Variants in ACTN4 observed in about 807,000 individuals in gnomAD.
ACTN4 encodes the protein alpha-actinin-4.
A neutral mutation model predicts 114.2 loss-of-function variants in ACTN4; 18 were observed. That is an observed-to-expected ratio of 0.16 (90% confidence interval 0.11 to 0.23). The LOEUF (loss-of-function observed/expected upper bound fraction) is 0.23. Among genes scored for constraint, ACTN4 ranks in the 10% least tolerant of loss-of-function variants. ACTN4 has a pLI of 1.00. For missense variants in ACTN4, 722 were observed against 1,262.9 expected (o/e 0.57, Z 6.49); for synonymous variants, 515 against 506.3 (o/e 1.02, Z -0.23).
chr19:38,711,246 C>G, intron 8 of ACTN4: 19 of 972,044 alleles, frequency 2.0e-5, no homozygotes, highest in Non-Finnish European at 2.2e-5. Flanking sequence ...TCTCCTGCCT[C>G]TCTCTCTCTT....
chr19:38,724,621 T>C lies in ACTN4; in HGVS notation c.2010+56T>C. On this transcript the variant is annotated intron_variant, in intron 16 of 20. Coordinates refer to ENST00000252699, the MANE Select transcript of ACTN4 (RefSeq NM_004924.6). The surrounding 1 kb of genome is among the most constrained non-coding windows in gnomAD (Gnocchi z 7.0). ...GAAGGTTCCAAGAGAGCTCCCGTAG[T>C]GAGGGGGTCCCCGGCCAGCCCAGGG... 1.2e-6 allele frequency: 2 copies of C among 1,610,048 alleles called. No homozygotes were observed. Among genetic ancestry groups the C allele is most frequent in the Admixed American group, 3.3e-5 (2 of 60,010 alleles).
chr19:38,715,361 G>A (rs1182025076), intron 9 of ACTN4, among the ~76,000 whole-genome samples: 3 of 152,186 alleles, frequency 2.0e-5, no homozygotes, highest in Non-Finnish European at 4.4e-5. Context: ...GCCGGGTGTT[G>A]TGGCACACAC....
At chr19:38,708,074 C>T (rs1968519530) in intron 5 of ACTN4, 43 bp from the exon 6 acceptor site, 2 of 1,587,654 alleles carry the variant, frequency 1.3e-6, no homozygotes, top group African/African-American at 1.3e-5. Flanking sequence ...ACTCTCATGA[C>T]AGTGAGCGGG....
chr19:38,704,843 A>G (rs1968402784), intron 3 of ACTN4, 91 bp from the exon 4 acceptor site: 1 of 1,167,070 alleles, frequency 8.6e-7, no homozygotes, highest in Non-Finnish European at 1.3e-6. Flanking sequence ...CTTTCTCTAG[A>G]TGGGGCTGGA....
chr19:38,672,533 A>G (rs114984981), intron 1 of ACTN4, among the ~76,000 whole-genome samples: 2,150 of 149,338 alleles, frequency 0.014, 58 homozygotes, highest in African/African-American at 0.049. Context: ...GAGCTACCAC[A>G]CCCTGCCAAG....
chr19:38,730,942 C>T lies in ACTN4; in HGVS notation c.*1510C>T. ...GCTCGCAGGACAGAGCCTGAGCCAC[C>T]CTGTCCCTCCCACCTGGCTCACCTG... is the stretch of plus-strand genomic sequence containing the variant. On this transcript the variant is annotated 3_prime_UTR_variant, in exon 21 of 21. Transcript: ENST00000252699. 2 of 1,550,542 alleles carry T rather than the reference C, an allele frequency of 1.3e-6. No individual in the cohort carries two copies. Among genetic ancestry groups the T allele is most frequent in the Non-Finnish European group, 8.7e-7 (1 of 1,147,040 alleles).
At position 38,721,707 on chromosome 19, in the gene ACTN4, C is replaced by A; in HGVS notation, c.1442+19C>A. 1 of 1,610,136 alleles carries A rather than the reference C, an allele frequency of 6.2e-7. No individual in the cohort carries two copies. Among genetic ancestry groups the A allele is most frequent in the Non-Finnish European group, 8.5e-7 (1 of 1,179,976 alleles). ...AGCTCAAGTACGTGCGGGCTCAGGA[C>A]ACTATCATCACCTGGCTCTCACCAC... On this transcript the variant is annotated intron_variant, in intron 12 of 20. Transcript: ENST00000252699.
Position 38,726,952 on chromosome 19 carries a change from CG to C in ACTN4, c.2191-4del, listed in dbSNP as rs948950073. Reference sequence around the variant, plus strand: ...GCCCACGATCACGCCCCCGTCTTTCCGCAGCACATCCGCGTGGGCTGGGAGC... The same window carrying C: ...GCCCACGATCACGCCCCCGTCTTTCCCAGCACATCCGCGTGGGCTGGGAGC... On this transcript the variant is annotated splice_region_variant and splice_polypyrimidine_tract_variant and intron_variant, in intron 17 of 20. Transcript: ENST00000252699. 1 of 1,613,892 alleles carries C rather than the reference CG, an allele frequency of 6.2e-7. No homozygotes were observed. Among genetic ancestry groups the C allele is most frequent in the Admixed American group, 1.7e-5 (1 of 60,016 alleles).
At chr19:38,675,370 C>T (rs536597924) in intron 1 of ACTN4, among the ~76,000 whole-genome samples, 5 of 152,308 alleles carry the variant, frequency 3.3e-5, no homozygotes, top group African/African-American at 1.2e-4. Context: ...CAGCCTTAAC[C>T]TCCTGGGCTC....
rs1206088324 is a variant in ACTN4 at position 38,731,058 on chromosome 19, TC to T, written c.*1630del. The T allele has an allele frequency of 6.4e-6, 10 of 1,561,488 alleles. No individual in the cohort carries two copies. The highest frequency in any genetic ancestry group is 6.9e-6 in the Non-Finnish European group (8 of 1,153,948). ...GAGGGGCAGGGTGAGTGCCCACCAG[TC>T]CCCGTACCCCTTCCCCCCATGCCCC... On this transcript the variant is annotated 3_prime_UTR_variant, in exon 21 of 21. Coordinates refer to ENST00000252699, the MANE Select transcript of ACTN4 (RefSeq NM_004924.6).
chr19:38,698,354 C>T (rs1035716073), intron 1 of ACTN4, among the ~76,000 whole-genome samples: 2 of 152,134 alleles, frequency 1.3e-5, no homozygotes, highest in Admixed American at 6.5e-5. Context: ...GCATGGTTCC[C>T]GCCCTGGGCT....
In ACTN4 at chr19:38,704,945, G is replaced by A. The variant is rs375921941; in HGVS notation, c.409G>A (p.Gly137Ser). The change falls in exon 4 of 21, where the codon GGC becomes AGC. Residue 137 changes from glycine to serine, a missense_variant. Gly to Ser is a moderately conservative substitution (Grantham distance 56, BLOSUM62 0). This residue lies in a region of ACTN4 where 127 missense variants were observed against 311.3 expected (regional missense o/e 0.41). Coordinates refer to ENST00000252699, the MANE Select transcript of ACTN4 (RefSeq NM_004924.6). ...TTCCCTGTGTGCAGAGATTGTGGAC[G>A]GCAACGCAAAGATGACCCTGGGAAT... is the stretch of plus-strand genomic sequence containing the variant. ...VSIGAEEIVD[G>S]NAKMTLGMIW... 17 of 1,614,008 alleles carry A rather than the reference G, an allele frequency of 1.1e-5. No individual in the cohort carries two copies. Among genetic ancestry groups the A allele is most frequent in the African/African-American group, 1.3e-5 (1 of 74,900 alleles).
At chr19:38,687,571 T>C (rs186950959) in intron 1 of ACTN4, among the ~76,000 whole-genome samples, 4 of 152,364 alleles carry the variant, frequency 2.6e-5, no homozygotes, top group Non-Finnish European at 5.9e-5. Flanking sequence ...CAACTATTAA[T>C]AGATACCCAT....
rs1599865659 is a variant in ACTN4 at position 38,728,478 on chromosome 19, A to G, written c.2418+452A>G. On this transcript the variant is annotated intron_variant, in intron 19 of 20. Transcript: ENST00000252699. Reference sequence around the variant, plus strand: ...CCCACCTCTCCCCCTCACCGCCTCCAGAGCTTCCTCGTCCTCGGGGACACT... The same window carrying G: ...CCCACCTCTCCCCCTCACCGCCTCCGGAGCTTCCTCGTCCTCGGGGACACT... The G allele has an allele frequency of 5.6e-6, 4 of 710,358 alleles. No individual in the cohort carries two copies. The Admixed American group carries it at 1.1e-4, about 20-fold the overall frequency. 44.0% of individuals were successfully genotyped at this position (710,358 alleles called of 1,614,324 possible).
chr19:38,704,692 C>T (rs1160819582), intron 3 of ACTN4, among the ~76,000 whole-genome samples: 1 of 152,204 alleles, frequency 6.6e-6, no homozygotes, highest in South Asian at 2.1e-4. Flanking sequence ...GGGCCAGGGA[C>T]CCTTGTGGCC....
intron 9 of ACTN4, among the ~76,000 whole-genome samples, chr19:38,715,527 A>C (rs1201802797): frequency 3.9e-5 from 6 of 152,222 alleles, no homozygotes. Context: ...AATTTCCCAA[A>C]GAGCAGTGGT....
At chr19:38,710,218 C>T (rs1258633115) in intron 7 of ACTN4, 39 bp from the exon 8 acceptor site, 11 of 1,611,312 alleles carry the variant, frequency 6.8e-6, no homozygotes, top group South Asian at 1.1e-5. Context: ...CCACCCCCCG[C>T]CCTACTCGGG....
chr19:38,724,312 G>T lies in ACTN4; in HGVS notation c.1848G>T (p.Pro616=), dbSNP rs544896157. The change falls in exon 15 of 21, where the codon CCG becomes CCT. Residue 616 remains proline (P), a synonymous_variant. Transcript: ENST00000252699. The surrounding 1 kb of genome is among the most constrained non-coding windows in gnomAD (Gnocchi z 7.0). Reference sequence around the variant, plus strand: ...GCAACCCCTACACCACCGTCACCCCGCAAATCATCAACTCCAAGTGGGAGA... The same window carrying T: ...GCAACCCCTACACCACCGTCACCCCTCAAATCATCAACTCCAAGTGGGAGA... ...SGSNPYTTVT[P]QIINSKWEKV... 1.7e-5 allele frequency: 27 copies of T among 1,613,708 alleles called. No individual in the cohort carries two copies. The South Asian group carries it at 2.5e-4, about 15-fold the overall frequency.
chr19:38,711,413 C>A, intron 8 of ACTN4: 1 of 909,412 alleles, frequency 1.1e-6, no homozygotes, highest in Non-Finnish European at 1.3e-6. Context: ...CTGCCTTCAC[C>A]ACCGCCCTTG....
Sources: gnomAD v4.1 joint callset for allele counts (sites outside exome capture counted in the v4.1 genomes callset) on GRCh38, gnomAD v4.1.1 for gene constraint, gnomAD v4.1.1 regional missense constraint, Gnocchi (gnomAD v3.1) non-coding constraint, MANE v1.5 for transcripts, NCBI Gene and HGNC (gene_info 2026-07-23, HGNC 2026-07-21) for gene names.